Variants in ATP6V1H observed in about 807,000 individuals in gnomAD.
ATP6V1H encodes V-type proton ATPase subunit H.
In ATP6V1H, 39 loss-of-function variants were observed where a neutral mutation model predicts 71.7. The ratio of observed to expected loss-of-function variants is 0.54; its 90% CI spans 0.42 to 0.71. The LOEUF (loss-of-function observed/expected upper bound fraction) is 0.71, where lower values mean the gene tolerates loss of function less well. Ranked by LOEUF, ATP6V1H falls within the 30% of genes least tolerant of loss-of-function variation. ATP6V1H has a pLI of 0.00. For missense variants in ATP6V1H, 509 were observed against 594.9 expected, an observed-to-expected ratio of 0.86 and a Z score of 1.50; for synonymous variants, 192 against 199.3, an observed-to-expected ratio of 0.96 and a Z score of 0.31.
chr8:53,718,261 G>C (rs758878442), intron 13 of ATP6V1H, among the ~76,000 whole-genome samples: 5 of 152,194 alleles, frequency 3.3e-5, no homozygotes, highest in Non-Finnish European at 5.9e-5. Context: ...CCTAGCACAG[G>C]TGCGCTGTTC....
At chr8:53,841,274 C>T (rs1291242021) in intron 2 of ATP6V1H, among the ~76,000 whole-genome samples, 2 of 152,166 alleles carry the variant, frequency 1.3e-5, no homozygotes, top group Admixed American at 6.5e-5. Flanking sequence ...CCCCTCATCC[C>T]CTTCCTCCCT....
intron 4 of ATP6V1H, among the ~76,000 whole-genome samples, chr8:53,826,647 TAAA>T (rs1810830031): frequency 6.6e-6 from 1 of 151,604 alleles, no homozygotes; most frequent in Non-Finnish European, 1.5e-5. Context: ...AAAAAAAAAT[TAAA>T]AACCAATGAT....
chr8:53,781,472 T>C (rs1002163551), intron 9 of ATP6V1H, among the ~76,000 whole-genome samples: 4 of 152,250 alleles, frequency 2.6e-5, no homozygotes, highest in East Asian at 1.9e-4. Context: ...TGCAAAAATG[T>C]TCTCCCATTC....
At chr8:53,765,027 C>A (rs1336812684) in intron 11 of ATP6V1H, among the ~76,000 whole-genome samples, 1 of 152,028 alleles carries the variant, frequency 6.6e-6, no homozygotes, top group African/African-American at 2.4e-5. Flanking sequence ...ATCTCTTGAG[C>A]CCAGAAGTTT....
intron 7 of ATP6V1H, among the ~76,000 whole-genome samples, chr8:53,805,198 T>A (rs1425209073): frequency 6.6e-6 from 1 of 152,242 alleles, no homozygotes; most frequent in Non-Finnish European, 1.5e-5. Context: ...TTCATCTACA[T>A]TCTGGAATTA....
intron 13 of ATP6V1H, among the ~76,000 whole-genome samples, chr8:53,742,919 G>C (rs1310394213): frequency 6.6e-6 from 1 of 152,160 alleles, no homozygotes; most frequent in African/African-American, 2.4e-5. Flanking sequence ...TACTGCTGAA[G>C]GCACTGAACA....
chr8:53,743,049 C>T (rs1807472216), intron 13 of ATP6V1H, among the ~76,000 whole-genome samples: 1 of 151,904 alleles, frequency 6.6e-6, no homozygotes, highest in South Asian at 2.1e-4. Context: ...TAAGTGGGTA[C>T]AAAAAAGTCA....
intron 2 of ATP6V1H, among the ~76,000 whole-genome samples, chr8:53,839,398 G>C (rs1016280393): frequency 4.6e-5 from 7 of 152,170 alleles, no homozygotes; most frequent in African/African-American, 1.7e-4. Context: ...CTGATGAACA[G>C]AGAAAACATC....
intron 13 of ATP6V1H, among the ~76,000 whole-genome samples, chr8:53,739,242 T>G (rs1807333231): frequency 6.6e-6 from 1 of 152,224 alleles, no homozygotes; most frequent in Non-Finnish European, 1.5e-5. Flanking sequence ...GGTAACTTGA[T>G]TATTATCCTA....
intron 13 of ATP6V1H, among the ~76,000 whole-genome samples, chr8:53,733,445 C>A (rs575846046): frequency 6.6e-6 from 1 of 152,312 alleles, no homozygotes; most frequent in East Asian, 1.9e-4. Context: ...GTGTCGACGA[C>A]CTCCTGCTGG....
At chr8:53,749,656 T>C (rs761425045) in intron 12 of ATP6V1H, among the ~76,000 whole-genome samples, 1 of 152,012 alleles carries the variant, frequency 6.6e-6, no homozygotes, top group Non-Finnish European at 1.5e-5. Flanking sequence ...GTGGCATTTT[T>C]AATCTTCTAT....
intron 9 of ATP6V1H, 116 bp from the exon 10 acceptor site, chr8:53,772,283 C>G: frequency 1.2e-6 from 1 of 802,794 alleles, no homozygotes. Context: ...GTTTAACTAT[C>G]ACCTTTAAGT....
intron 13 of ATP6V1H, 105 bp from the exon 14 acceptor site, chr8:53,716,129 C>A: frequency 1.2e-6 from 1 of 818,522 alleles, no homozygotes; most frequent in Non-Finnish European, 1.9e-6. Context: ...ACTTTAACAT[C>A]CAAAAATAAC....
intron 13 of ATP6V1H, among the ~76,000 whole-genome samples, chr8:53,736,445 G>A (rs1490110573): frequency 3.3e-5 from 5 of 152,178 alleles, no homozygotes; most frequent in Admixed American, 6.5e-5. Context: ...TCCCCGAACA[G>A]ACGCCCACAA....
chr8:53,809,815 T>A (rs1256207805), intron 7 of ATP6V1H, among the ~76,000 whole-genome samples: 1 of 152,204 alleles, frequency 6.6e-6, no homozygotes, highest in East Asian at 1.9e-4. Flanking sequence ...ATTCTCAATG[T>A]AAACATCTGC....
rs552196320 is a variant in ATP6V1H at position 53,769,757 on chromosome 8, CA to C, written c.1050-15del. On this transcript the variant is annotated splice_polypyrimidine_tract_variant and intron_variant, in intron 10 of 13. Transcript: ENST00000359530. ...TCATCAAATGAACTATAAAAATGTT[CA>C]AAAGAATTCAAGGTTTATAAGAATC... 637 of 1,586,010 alleles carry C rather than the reference CA, an allele frequency of 4.0e-4. 2 individuals are homozygous for C. In the African/African-American group the frequency reaches 8.0e-3, roughly 20 times the overall value.
chr8:53,801,944 C>G, intron 7 of ATP6V1H, 48 bp from the exon 8 acceptor site: 1 of 1,519,800 alleles, frequency 6.6e-7, no homozygotes, highest in Non-Finnish European at 9.1e-7. Context: ...CATTTAAAGT[C>G]ATGCGATCAG....
intron 13 of ATP6V1H, among the ~76,000 whole-genome samples, chr8:53,716,994 C>T (rs1339683795): frequency 1.3e-5 from 2 of 152,294 alleles, no homozygotes; most frequent in Middle Eastern, 6.8e-3. Flanking sequence ...TGGGTATTCC[C>T]ATGGGGGCTC....
intron 13 of ATP6V1H, among the ~76,000 whole-genome samples, chr8:53,732,018 C>T (rs1332138886): frequency 6.6e-6 from 1 of 152,232 alleles, no homozygotes; most frequent in Admixed American, 6.5e-5. Flanking sequence ...TAAGACTGGT[C>T]TTAGGAACTT....
Sources: allele counts gnomAD v4.1 joint callset (sites outside exome capture counted in the v4.1 genomes callset), GRCh38; gene constraint gnomAD v4.1.1; transcripts MANE v1.5; gene names NCBI Gene and HGNC (gene_info 2026-07-23, HGNC 2026-07-21).